The following TMEM132B variants were observed in gnomAD, a reference collection of about 807,000 sequenced individuals.
The protein encoded by TMEM132B is transmembrane protein 132B.
TMEM132B carries 18 observed loss-of-function variants against 90.8 expected under a neutral mutation model. That is an observed-to-expected ratio of 0.20 (90% CI 0.14 to 0.29). TMEM132B has a LOEUF of 0.29. Ranked by LOEUF, TMEM132B falls within the 10% of genes least tolerant of loss-of-function variation. TMEM132B has a pLI of 1.00. For missense variants in TMEM132B, 1,096 were observed against 1,326.8 expected (o/e 0.83, Z 2.70); for synonymous variants, 504 against 523.3 (o/e 0.96, Z 0.50).
chr12:125,592,718 A>G (rs1270730520), intron 5 of TMEM132B, among the ~76,000 whole-genome samples: 1 of 152,148 alleles, frequency 6.6e-6, no homozygotes, highest in East Asian at 1.9e-4. Context: ...AAGTTTCCTT[A>G]AGTGGTTGTG....
chr12:125,256,556 A>G (rs1422666869), intron 1 of TMEM132B, among the ~76,000 whole-genome samples: 1 of 152,252 alleles, frequency 6.6e-6, no homozygotes, highest in Non-Finnish European at 1.5e-5. Flanking sequence ...TTGGAGCTAC[A>G]AAAGCAGAGA....
rs920775032 is a variant in TMEM132B at position 125,655,793 on chromosome 12, T to A, written c.*1083T>A. The A allele has an allele frequency of 3.0e-5, 3 of 99,346 alleles. No homozygotes were observed. The highest frequency in any genetic ancestry group is 1.2e-4 in the African/African-American group (3 of 25,604). 6.2% of individuals were successfully genotyped at this position (99,346 alleles called of 1,614,324 possible). A position where few individuals can be genotyped will look rare whatever the true frequency, so the allele number is the denominator to read the frequency against. On this transcript the variant is annotated 3_prime_UTR_variant, in exon 9 of 9. Coordinates refer to ENST00000682704, the MANE Select transcript of TMEM132B (RefSeq NM_001366854.1). The stretch of plus-strand genomic sequence containing the variant: ...CTTTCCATTTTACCAGAACAAAAGT[T>A]TTTTTTTTTTTAAATAAGTAGAATG...
chr12:125,630,221 C>A (rs1363074948), intron 5 of TMEM132B, among the ~76,000 whole-genome samples: 1 of 151,982 alleles, frequency 6.6e-6, no homozygotes, highest in Non-Finnish European at 1.5e-5. Flanking sequence ...GGTATTAATT[C>A]TTCTTTAAAT....
At chr12:125,425,888 G>A (rs890045077) in intron 3 of TMEM132B, among the ~76,000 whole-genome samples, 1 of 152,178 alleles carries the variant, frequency 6.6e-6, no homozygotes, top group Non-Finnish European at 1.5e-5. Flanking sequence ...TAGCAATTAT[G>A]ATTAATGCTA....
In TMEM132B at chr12:125,406,609, G is replaced by A. The variant is rs555869851; in HGVS notation, c.960-8922G>A. The stretch of plus-strand genomic sequence containing the variant: ...CGTCGGAGGACTGGGTGGATGATAT[G>A]GGGTATAAAAATATTTCACAGTCTT... On this transcript the variant is annotated intron_variant, in intron 2 of 8. Transcript: ENST00000682704. This position sits in a 1 kb window ranked among gnomAD's most constrained non-coding sequence, Gnocchi z 8.3. Among the ~76,000 whole-genome samples the A allele has an allele frequency of 6.6e-5, 10 of 152,288 alleles. No homozygotes were observed. The South Asian group carries it at 1.9e-3, about 28-fold the overall frequency.
At chr12:125,197,154 C>T (rs1336804315) in intron 1 of TMEM132B, among the ~76,000 whole-genome samples, 1 of 151,860 alleles carries the variant, frequency 6.6e-6, no homozygotes, top group Non-Finnish European at 1.5e-5. Flanking sequence ...TCCCGCCTCC[C>T]ACCCTGCACC....
At chr12:125,281,500 T>A (rs959129002) in intron 1 of TMEM132B, among the ~76,000 whole-genome samples, 8 of 152,186 alleles carry the variant, frequency 5.3e-5, no homozygotes. Flanking sequence ...GCTTTCTGTG[T>A]TTGAGCTTAA....
intron 3 of TMEM132B, among the ~76,000 whole-genome samples, chr12:125,435,391 C>G (rs1880670461): frequency 6.6e-6 from 1 of 152,114 alleles, no homozygotes; most frequent in South Asian, 2.1e-4. Flanking sequence ...GGGTGGAGCC[C>G]TCAGACCTAC....
chr12:125,372,992 T>G (rs533775009), intron 2 of TMEM132B, among the ~76,000 whole-genome samples: 1 of 152,336 alleles, frequency 6.6e-6, no homozygotes, highest in Non-Finnish European at 1.5e-5. Flanking sequence ...ATGTCCCCTT[T>G]TCCCCGACCA....
Position 125,652,667 on chromosome 12 carries a change from T to C in TMEM132B, c.2106+35T>C, listed in dbSNP as rs376977958. 58 of 1,578,782 alleles carry C rather than the reference T, an allele frequency of 3.7e-5. No individual in the cohort carries two copies. The African/African-American group carries it at 7.6e-4, about 21-fold the overall frequency. ...CCAGGGGCCCTGCGTCCTTGGTCAG[T>C]GGGGATGACTTCTCTCTCAGTTAGC... On this transcript the variant is annotated intron_variant, in intron 8 of 8. Transcript: ENST00000682704.
chr12:125,379,308 A>G lies in TMEM132B; in HGVS notation c.959+28965A>G, dbSNP rs566118473. On this transcript the variant is annotated intron_variant, in intron 2 of 8. Transcript: ENST00000682704. ...AACCAGTGTAACCACAGGATCTTCAATGGGACGAGGGAAGCAGAAGTTCAC... is the reference window on the plus strand; with the variant it reads ...AACCAGTGTAACCACAGGATCTTCAGTGGGACGAGGGAAGCAGAAGTTCAC... Among the ~76,000 whole-genome samples the G allele has an allele frequency of 1.3e-4, 20 of 152,276 alleles. No homozygotes were observed. In the East Asian group the frequency reaches 3.1e-3, roughly 24 times the overall value.
At chr12:125,398,079 G>T (rs1400851247) in intron 2 of TMEM132B, among the ~76,000 whole-genome samples, 3 of 152,136 alleles carry the variant, frequency 2.0e-5, no homozygotes, top group Non-Finnish European at 2.9e-5. Context: ...TTTGCATTGG[G>T]GGCAGGCAGG....
rs551436529 is a variant in TMEM132B, at chr12:125,458,632, A to C, written c.1106+42955A>C. 5.3e-5 allele frequency among the ~76,000 whole-genome samples: 8 copies of C among 152,230 alleles called. No individual in the cohort carries two copies. The highest frequency in any genetic ancestry group is 1.7e-4 in the African/African-American group (7 of 41,548). On this transcript the variant is annotated intron_variant, in intron 3 of 8. Transcript: ENST00000682704. The surrounding 1 kb of genome is among the most constrained non-coding windows in gnomAD (Gnocchi z 4.9). ...AGCTGGCTCAGGACCCCTGGAAATG[A>C]GACTCACATCCATGCGGCCAGCGTC...
chr12:125,316,912 C>G (rs943020213), intron 1 of TMEM132B, among the ~76,000 whole-genome samples: 2 of 152,178 alleles, frequency 1.3e-5, no homozygotes, highest in Non-Finnish European at 2.9e-5. Flanking sequence ...CGCCTAAGGT[C>G]CCCGATAAAT....
intron 1 of TMEM132B, among the ~76,000 whole-genome samples, chr12:125,217,928 A>G (rs901154104): frequency 6.6e-6 from 1 of 152,236 alleles, no homozygotes; most frequent in African/African-American, 2.4e-5. Flanking sequence ...AGATTTGAGG[A>G]TAGCCTAAAC....
chr12:125,287,884 T>A (rs143032361), intron 1 of TMEM132B, among the ~76,000 whole-genome samples: 1 of 152,170 alleles, frequency 6.6e-6, no homozygotes, highest in Non-Finnish European at 1.5e-5. Context: ...TGTCTTTTTT[T>A]TGAGACAGTG....
chr12:125,263,572 C>T (rs1489305404), intron 1 of TMEM132B, among the ~76,000 whole-genome samples: 1 of 152,152 alleles, frequency 6.6e-6, no homozygotes, highest in African/African-American at 2.4e-5. Flanking sequence ...TTGTTTCTGG[C>T]CGTATCTTCA....
intron 1 of TMEM132B, among the ~76,000 whole-genome samples, chr12:125,203,041 T>C (rs918549204): frequency 4.6e-5 from 7 of 152,340 alleles, no homozygotes; most frequent in African/African-American, 1.7e-4. Context: ...TGAAAGGCTT[T>C]GGCTTGACTG....
intron 5 of TMEM132B, chr12:125,584,610 C>T (rs1241986346): frequency 6.6e-6 from 1 of 152,624 alleles, no homozygotes; most frequent in East Asian, 1.9e-4. Context: ...CCTAACTGAA[C>T]TTGAATATAA....
Sources: gnomAD v4.1 joint callset for allele counts (sites outside exome capture counted in the v4.1 genomes callset) on GRCh38, gnomAD v4.1.1 for gene constraint, Gnocchi (gnomAD v3.1) non-coding constraint, MANE v1.5 for transcripts, NCBI Gene and HGNC (gene_info 2026-07-23, HGNC 2026-07-21) for gene names.